CACNB2: variants seen among roughly 807,000 people sequenced by gnomAD.
CACNB2 encodes voltage-dependent L-type calcium channel subunit beta-2.
In CACNB2, 42 loss-of-function variants were observed where a neutral mutation model predicts 73.3. The ratio of observed to expected loss-of-function variants is 0.57; its 90% CI spans 0.45 to 0.74. The LOEUF is 0.74. CACNB2 is among the 30% of genes least tolerant of loss of function. The probability of loss-of-function intolerance (pLI) is 0.00; values close to 1 mark genes in which losing one functional copy is unlikely to be tolerated. For synonymous variants in CACNB2, 348 were observed against 310.3 expected (o/e 1.12, Z -1.28); for missense variants, 940 against 853.0 (o/e 1.10, Z -1.27).
At chr10:18,333,146 G>GT (rs2040868681) in intron 2 of CACNB2, among the ~76,000 whole-genome samples, 1 of 152,142 alleles carries the variant, frequency 6.6e-6, no homozygotes, top group Non-Finnish European at 1.5e-5. Context: ...CGATAGGGAT[G>GT]GGGGGATGGG....
At chr10:18,464,426 A>AAAAAAAAAAAAAAAAAAAAAAAAAC in intron 3 of CACNB2, among the ~76,000 whole-genome samples, 1 of 134,074 alleles carries the variant, frequency 7.5e-6, no homozygotes, top group Non-Finnish European at 1.5e-5. Flanking sequence ...ATTAAAAAAA[A>AAAAAAAAAAAAAAAAAAAAAAAAAC]AAAAAAAAAA....
chr10:18,455,148 A>T (rs1407187094), intron 3 of CACNB2, among the ~76,000 whole-genome samples: 2 of 152,218 alleles, frequency 1.3e-5, no homozygotes, highest in African/African-American at 4.8e-5. Flanking sequence ...CTCTGGAAAA[A>T]GCATTAAAAG....
chr10:18,246,074 C>T (rs964280697), intron 2 of CACNB2, among the ~76,000 whole-genome samples: 16 of 151,984 alleles, frequency 1.1e-4, no homozygotes, highest in African/African-American at 2.7e-4. Flanking sequence ...TCTTGATCTC[C>T]GAGAGGAAGA....
At position 18,150,880 on chromosome 10, in the gene CACNB2, T is replaced by TTTTTTTTTTTTTTTTTGA; in HGVS notation, c.121-3_121-2insTTTTTTTTTTTTTTTTGA. ...CTTTTTTTTTTTTTTTTTTTTTTTT[T>TTTTTTTTTTTTTTTTTGA]AGTCATATGGAAAAGGAGCCAGAAG... is the stretch of plus-strand genomic sequence containing the variant. On this transcript the variant is annotated splice_polypyrimidine_tract_variant and splice_region_variant and intron_variant, in intron 1 of 13. Coordinates refer to ENST00000324631, the MANE Select transcript of CACNB2 (RefSeq NM_201596.3). 7.7e-7 allele frequency: 1 copy of TTTTTTTTTTTTTTTTTGA among 1,300,366 alleles called. No individual in the cohort carries two copies. The highest frequency in any genetic ancestry group is 1.1e-6 in the Non-Finnish European group (1 of 943,298). 80.6% of individuals were successfully genotyped at this position (1,300,366 alleles called of 1,614,324 possible).
rs567124824 is a variant in CACNB2 at position 18,333,620 on chromosome 10, G to A, written c.214-68304G>A. Among the ~76,000 whole-genome samples, 10 of 152,098 alleles carry A rather than the reference G, an allele frequency of 6.6e-5. No individual in the cohort carries two copies. The East Asian group carries it at 9.6e-4, about 15-fold the overall frequency. ...TTACCAAAAACACATGTGAGCCTTC[G>A]TGTGTACACACACACTAGAGTTTTG... On this transcript the variant is annotated intron_variant, in intron 2 of 13. Transcript: ENST00000324631.
At chr10:18,487,350 CT>C (rs1159238268) in intron 3 of CACNB2, among the ~76,000 whole-genome samples, 1 of 152,142 alleles carries the variant, frequency 6.6e-6, no homozygotes, top group African/African-American at 2.4e-5. Flanking sequence ...TTTCAGGCTG[CT>C]TTTTGTTAGA....
At chr10:18,401,536 G>A (rs192850119) in intron 2 of CACNB2, among the ~76,000 whole-genome samples, 86 of 152,292 alleles carry the variant, frequency 5.6e-4, no homozygotes, top group Non-Finnish European at 8.5e-4. Flanking sequence ...TTTTTGTTAA[G>A]CTTAATGTCC....
chr10:18,176,237 A>T (rs1218247970), intron 2 of CACNB2, among the ~76,000 whole-genome samples: 1 of 152,202 alleles, frequency 6.6e-6, no homozygotes, highest in African/African-American at 2.4e-5. Context: ...GGGGGTCAGT[A>T]ACCCACCAAT....
chr10:18,219,495 C>G (rs2026324), intron 2 of CACNB2, among the ~76,000 whole-genome samples: 32,126 of 152,102 alleles, frequency 0.21, 4,994 homozygotes, highest in African/African-American at 0.44. Context: ...AATCCTTTTA[C>G]TGTAGTCCTG....
At chr10:18,417,429 C>T (rs994369627) in intron 3 of CACNB2, among the ~76,000 whole-genome samples, 3 of 138,164 alleles carry the variant, frequency 2.2e-5, no homozygotes, top group African/African-American at 8.5e-5. Flanking sequence ...AATGCAGTGG[C>T]GCGATCTCGG....
chr10:18,143,261 T>C (rs187336324), intron 1 of CACNB2, among the ~76,000 whole-genome samples: 225 of 152,316 alleles, frequency 1.5e-3, no homozygotes, highest in African/African-American at 5.1e-3. Flanking sequence ...GTAAGATAGT[T>C]TCAAGTCTTA....
At chr10:18,298,739 C>CT (rs1360741176) in intron 2 of CACNB2, among the ~76,000 whole-genome samples, 1 of 152,182 alleles carries the variant, frequency 6.6e-6, no homozygotes, top group African/African-American at 2.4e-5. Context: ...AACATGCCAC[C>CT]TTCTTGTAGT....
intron 1 of CACNB2, among the ~76,000 whole-genome samples, chr10:18,144,150 T>C (rs1483907205): frequency 1.3e-5 from 2 of 152,214 alleles, no homozygotes; most frequent in African/African-American, 2.4e-5. Flanking sequence ...TTATCTCAGC[T>C]CACTGCAACC....
At chr10:18,348,098 G>C (rs570497450) in intron 2 of CACNB2, among the ~76,000 whole-genome samples, 2 of 152,194 alleles carry the variant, frequency 1.3e-5, no homozygotes, top group Non-Finnish European at 2.9e-5. Flanking sequence ...GATATGCTGA[G>C]TACTATCTAG....
intron 2 of CACNB2, among the ~76,000 whole-genome samples, chr10:18,220,080 T>C (rs971424691): frequency 2.1e-5 from 3 of 140,634 alleles, no homozygotes; most frequent in Non-Finnish European, 1.6e-5. Flanking sequence ...TCTTTCCATC[T>C]TAATTCCTCT....
chr10:18,366,421 C>T (rs1199719024), intron 2 of CACNB2, among the ~76,000 whole-genome samples: 1 of 148,410 alleles, frequency 6.7e-6, no homozygotes, highest in Non-Finnish European at 1.5e-5. Context: ...GCCAAGATCG[C>T]GCCACTGCAC....
chr10:18,506,672 C>G, intron 6 of CACNB2, 125 bp downstream of exon 6: 1 of 713,436 alleles, frequency 1.4e-6, no homozygotes, highest in Non-Finnish European at 2.6e-6. Flanking sequence ...TAAAAGGAAT[C>G]AGAAGTGAGC....
intron 13 of CACNB2, among the ~76,000 whole-genome samples, chr10:18,538,781 TTATATACAAAGGGTC>T (rs1019054565): frequency 1.3e-5 from 2 of 152,170 alleles, no homozygotes; most frequent in African/African-American, 4.8e-5. Flanking sequence ...TAATGAGTTA[TTATATACAAAGGGTC>T]TACAGAACAG....
At chr10:18,169,640 T>C (rs1009869871) in intron 2 of CACNB2, among the ~76,000 whole-genome samples, 5 of 152,216 alleles carry the variant, frequency 3.3e-5, no homozygotes, top group African/African-American at 9.6e-5. Context: ...AGGTGTTTCA[T>C]ACTAGGTAGC....
Sources: gnomAD v4.1 joint callset for allele counts (sites outside exome capture counted in the v4.1 genomes callset) on GRCh38, gnomAD v4.1.1 for gene constraint, MANE v1.5 for transcripts, NCBI Gene and HGNC (gene_info 2026-07-23, HGNC 2026-07-21) for gene names.